Variants in SORBS2 observed in about 807,000 individuals in gnomAD.
The protein encoded by SORBS2 is sorbin and SH3 domain-containing protein 2.
Under a neutral mutation model 97.7 loss-of-function variants are expected in SORBS2, and 46 were observed. The observed-to-expected ratio is 0.47, with a 90% CI of 0.37 to 0.60. The LOEUF (loss-of-function observed/expected upper bound fraction) is 0.60. Among genes scored for constraint, SORBS2 ranks in the 20% least tolerant of loss-of-function variants. The pLI is 0.00. For synonymous variants in SORBS2, 476 were observed against 473.4 expected, an observed-to-expected ratio of 1.01 and a Z score of -0.07; for missense variants, 1,316 against 1,282.3, an observed-to-expected ratio of 1.03 and a Z score of -0.40.
At chr4:185,737,875 A>G (rs900476364) in intron 2 of SORBS2, among the ~76,000 whole-genome samples, 2 of 152,204 alleles carry the variant, frequency 1.3e-5, no homozygotes, top group South Asian at 4.1e-4. Flanking sequence ...CCCTCCGCTC[A>G]GCTACAGAAA....
Position 185,706,900 on chromosome 4 carries a change from T to C in SORBS2, c.-197-28078A>G, listed in dbSNP as rs141890087. On this transcript the variant is annotated intron_variant, in intron 2 of 20. Transcript: ENST00000284776. ...TTGTCAAAATACCACATTTTGTACA[T>C]CCACTTCCTGTTCAGGGGCATTTGG... Among the ~76,000 whole-genome samples the C allele has an allele frequency of 1.5e-3, 226 of 152,360 alleles. 1 individual carries two copies. In the South Asian group the frequency reaches 0.019, roughly 13 times the overall value.
intron 1 of SORBS2, among the ~76,000 whole-genome samples, chr4:185,835,129 A>G (rs1036711533): frequency 1.3e-5 from 2 of 152,196 alleles, no homozygotes; most frequent in Non-Finnish European, 2.9e-5. Context: ...GCCTTCCGCC[A>G]TGAGTAAAAG....
exon 5 of SORBS2, chr4:185,662,149 C>G (rs769160276): frequency 6.2e-7 from 1 of 1,614,006 alleles, no homozygotes; most frequent in African/African-American, 1.3e-5. Flanking sequence ...TTGAGTGAGG[C>G]TGGGAGAGAA....
chr4:185,613,531 C>T (rs2096576134), intron 11 of SORBS2, among the ~76,000 whole-genome samples: 1 of 151,392 alleles, frequency 6.6e-6, no homozygotes, highest in African/African-American at 2.4e-5. Context: ...ACCTGTAGTC[C>T]CAGCTAATCG....
intron 4 of SORBS2, among the ~76,000 whole-genome samples, chr4:185,677,938 T>C (rs1270713443): frequency 6.6e-6 from 1 of 152,122 alleles, no homozygotes; most frequent in Non-Finnish European, 1.5e-5. Context: ...TGAACATATG[T>C]TCTCTTGGCA....
chr4:185,725,920 C>A (rs1189017475), intron 2 of SORBS2, among the ~76,000 whole-genome samples: 5 of 152,128 alleles, frequency 3.3e-5, no homozygotes, highest in African/African-American at 2.4e-5. Flanking sequence ...ATTTATTTTC[C>A]TTCTCAGTTT....
intron 1 of SORBS2, among the ~76,000 whole-genome samples, chr4:185,953,687 G>T (rs2099278295): frequency 1.3e-5 from 2 of 152,222 alleles, no homozygotes; most frequent in Non-Finnish European, 2.9e-5. Context: ...CCGTAGCCAG[G>T]CCCCTCTTCT....
intron 1 of SORBS2, among the ~76,000 whole-genome samples, chr4:185,949,559 G>A (rs993493395): frequency 2.2e-4 from 34 of 152,008 alleles, no homozygotes; most frequent in Non-Finnish European, 3.5e-4. Context: ...CTAAGGGGGC[G>A]GGGGGCAGAG....
Position 185,611,875 on chromosome 4 carries a change from C to T in SORBS2, c.2701G>A (p.Val901Ile), listed in dbSNP as rs779343202. 2.4e-5 allele frequency: 38 copies of T among 1,613,842 alleles called. No homozygotes were observed. Among genetic ancestry groups the T allele is most frequent in the Non-Finnish European group, 3.1e-5 (36 of 1,179,910 alleles). ...TCAGCACCTTTTGTGTTCTTCTTGA[C>T]GACCTCCACATAGGAAACAGGGAAG... The change falls in exon 12 of 15, where the codon GTC becomes ATC. Residue 901 changes from valine (V) to isoleucine (I), a missense_variant. By Grantham distance (29) the Val-to-Ile change is conservative (BLOSUM62 3). Transcript: ENST00000418609.
At chr4:185,902,811 C>T (rs1026146734) in intron 1 of SORBS2, among the ~76,000 whole-genome samples, 2 of 152,132 alleles carry the variant, frequency 1.3e-5, no homozygotes, top group African/African-American at 4.8e-5. Flanking sequence ...TACCTCAGTT[C>T]ACCTCTGCTG....
exon 15 of SORBS2, chr4:185,587,511 G>T: frequency 2.4e-6 from 2 of 826,062 alleles, no homozygotes; most frequent in Non-Finnish European, 4.0e-6. Context: ...GGTGGAGATG[G>T]TGACGGCGCA....
intron 1 of SORBS2, among the ~76,000 whole-genome samples, chr4:185,848,618 CTTTTTTT>C (rs537195530): frequency 3.3e-4 from 25 of 75,614 alleles, no homozygotes; most frequent in Non-Finnish European, 4.0e-4. Context: ...AAGGATATCT[CTTTTTTT>C]TTTTTTTTTT....
At chr4:185,794,298 G>A (rs1474791337) in intron 1 of SORBS2, among the ~76,000 whole-genome samples, 4 of 152,188 alleles carry the variant, frequency 2.6e-5, no homozygotes, top group African/African-American at 9.7e-5. Flanking sequence ...CAGGCAGTGG[G>A]TGGGGCACGG....
At chr4:185,866,926 A>ATACT (rs10650021) in intron 1 of SORBS2, among the ~76,000 whole-genome samples, 69,602 of 151,816 alleles carry the variant, frequency 0.46, 16,413 homozygotes, top group African/African-American at 0.53. Flanking sequence ...TGAGAAAATA[A>ATACT]CACAGTGCTC....
chr4:185,598,157 C>T (rs755483782), intron 12 of SORBS2, among the ~76,000 whole-genome samples: 2 of 152,218 alleles, frequency 1.3e-5, no homozygotes, highest in Non-Finnish European at 2.9e-5. Context: ...TGACACATTA[C>T]AATCACTGTG....
chr4:185,594,060 GA>G (rs1209966378), intron 12 of SORBS2, 125 bp from the exon 25 acceptor site: 6 of 653,606 alleles, frequency 9.2e-6, no homozygotes, highest in Admixed American at 5.8e-5. Context: ...CCAAGAGGAA[GA>G]AAAAAACCAA....
At chr4:185,642,129 T>C (rs1406933185) in intron 4 of SORBS2, among the ~76,000 whole-genome samples, 1 of 152,198 alleles carries the variant, frequency 6.6e-6, no homozygotes. Context: ...AAATGCTATA[T>C]ACATTATTAG....
At chr4:185,678,806 T>C (rs2097832381) in exon 3 of SORBS2, 3 of 1,466,468 alleles carry the variant, frequency 2.0e-6, no homozygotes, top group Non-Finnish European at 2.7e-6. Context: ...CTGAGTCTGG[T>C]GACTGAGAAT....
intron 9 of SORBS2, 57 bp from the exon 22 acceptor site, chr4:185,615,216 T>A (rs923752312): frequency 8.0e-6 from 8 of 1,003,850 alleles, no homozygotes; most frequent in Non-Finnish European, 1.3e-5. Context: ...ATTCTCAAGA[T>A]CAACACCCTC....
Sources: gnomAD v4.1 joint callset for allele counts (sites outside exome capture counted in the v4.1 genomes callset) on GRCh38, gnomAD v4.1.1 for gene constraint, MANE v1.5 for transcripts, NCBI Gene and HGNC (gene_info 2026-07-23, HGNC 2026-07-21) for gene names.